Variants in KIF18A observed in about 807,000 individuals in gnomAD.
The protein encoded by KIF18A is kinesin-like protein KIF18A.
KIF18A carries 67 observed loss-of-function variants against 103.3 expected under a neutral mutation model. That is an observed-to-expected ratio of 0.65 (90% CI 0.53 to 0.79). KIF18A has a LOEUF of 0.79. Ranked by LOEUF, KIF18A falls within the 30% of genes least tolerant of loss-of-function variation. The pLI is 0.00. For synonymous variants in KIF18A, 367 were observed against 355.5 expected, an observed-to-expected ratio of 1.03 and a Z score of -0.36; for missense variants, 1,032 against 1,062.5, an observed-to-expected ratio of 0.97 and a Z score of 0.40.
intron 10 of KIF18A, 99 bp from the exon 11 acceptor site, chr11:28,069,522 T>C: frequency 1.8e-6 from 2 of 1,108,082 alleles, no homozygotes; most frequent in Non-Finnish European, 1.3e-6. Context: ...ACTATTGTAG[T>C]AAATTAAGTT....
At chr11:28,029,219 A>C (rs1238150164) in intron 15 of KIF18A, among the ~76,000 whole-genome samples, 2 of 152,180 alleles carry the variant, frequency 1.3e-5, no homozygotes, top group Admixed American at 6.6e-5. Flanking sequence ...TGGCAGAGAC[A>C]CAACAAAAAA....
At position 28,093,200 on chromosome 11, in the gene KIF18A, G is replaced by A. The variant is rs182781463; in HGVS notation, c.483+1443C>T. ...TTCAAAATTCTCCCAGTTATAAAAA[G>A]GATCTAAGGAAAAAATAATGAATGC... On this transcript the variant is annotated intron_variant, in intron 3 of 16. Coordinates refer to ENST00000263181, the MANE Select transcript of KIF18A (RefSeq NM_031217.4). 2.7e-4 allele frequency among the ~76,000 whole-genome samples: 41 copies of A among 152,124 alleles called. 1 individual carries two copies. The East Asian group carries it at 6.9e-3, about 26-fold the overall frequency.
chr11:28,056,863 A>G, intron 13 of KIF18A: 1 of 276,892 alleles, frequency 3.6e-6, no homozygotes, highest in South Asian at 3.5e-5. Flanking sequence ...CATTTGAGCC[A>G]AATGTCCCAG....
chr11:28,057,281 C>A (rs1038001328), intron 13 of KIF18A, among the ~76,000 whole-genome samples: 1 of 152,028 alleles, frequency 6.6e-6, no homozygotes, highest in Non-Finnish European at 1.5e-5. Context: ...TTTGGGAGGC[C>A]GAGGTGGATG....
chr11:28,045,730 AC>A (rs1441177378), intron 13 of KIF18A, among the ~76,000 whole-genome samples: 1 of 152,120 alleles, frequency 6.6e-6, no homozygotes, highest in African/African-American at 2.4e-5. Context: ...TAACATCTAA[AC>A]ACTAATGAAT....
At chr11:28,095,593 A>AAC (rs2133563983) in intron 2 of KIF18A, among the ~76,000 whole-genome samples, 2 of 152,358 alleles carry the variant, frequency 1.3e-5, no homozygotes, top group African/African-American at 4.8e-5. Flanking sequence ...GTACTTGAAT[A>AAC]AATACCAGAT....
intron 13 of KIF18A, among the ~76,000 whole-genome samples, chr11:28,054,476 C>G (rs1850753058): frequency 6.6e-6 from 1 of 152,194 alleles, no homozygotes; most frequent in Non-Finnish European, 1.5e-5. Flanking sequence ...TCCCAAAATA[C>G]TGGGATTGCA....
chr11:28,087,941 A>G (rs1190915189), intron 6 of KIF18A, among the ~76,000 whole-genome samples: 1 of 152,212 alleles, frequency 6.6e-6, no homozygotes, highest in African/African-American at 2.4e-5. Flanking sequence ...TTTTACAAAT[A>G]TCTATGTTGT....
chr11:28,059,287 G>T (rs1239205851), intron 12 of KIF18A, 126 bp from the exon 13 acceptor site: 13 of 723,548 alleles, frequency 1.8e-5, no homozygotes, highest in Non-Finnish European at 2.5e-5. Flanking sequence ...TATGAACTGA[G>T]TTCTAGTCTC....
intron 11 of KIF18A, among the ~76,000 whole-genome samples, chr11:28,066,558 C>G (rs543497639): frequency 4.0e-5 from 6 of 151,538 alleles, no homozygotes; most frequent in Non-Finnish European, 7.4e-5. Context: ...AAGATGGACA[C>G]AACGTTTAAA....
chr11:28,027,089 G>A (rs950737417), intron 15 of KIF18A, among the ~76,000 whole-genome samples: 2 of 151,800 alleles, frequency 1.3e-5, no homozygotes, highest in Admixed American at 6.6e-5. Context: ...GCACAAATAA[G>A]TAGGCTACTT....
At chr11:28,044,684 A>G (rs1019784709) in intron 13 of KIF18A, among the ~76,000 whole-genome samples, 2 of 152,134 alleles carry the variant, frequency 1.3e-5, no homozygotes, top group African/African-American at 2.4e-5. Context: ...GCCAAGTTTT[A>G]GAAGCCTCTC....
chr11:28,106,606 G>A (rs116179444), intron 1 of KIF18A, among the ~76,000 whole-genome samples: 2,296 of 151,204 alleles, frequency 0.015, 61 homozygotes, highest in African/African-American at 0.053. Context: ...TTGATTTGGG[G>A]TATTTCTATG....
intron 2 of KIF18A, 59 bp downstream of exon 2, chr11:28,097,564 C>T (rs752140219): frequency 1.1e-5 from 12 of 1,081,092 alleles, no homozygotes; most frequent in Admixed American, 1.7e-5. Context: ...AGTAGATGTC[C>T]GTCCTAATGC....
chr11:28,085,977 T>C (rs1424972464), intron 6 of KIF18A, among the ~76,000 whole-genome samples: 1 of 152,126 alleles, frequency 6.6e-6, no homozygotes, highest in Non-Finnish European at 1.5e-5. Context: ...TATTTAAAAA[T>C]ATCTGCATCT....
intron 16 of KIF18A, among the ~76,000 whole-genome samples, chr11:28,023,433 C>T (rs1850271268): frequency 6.6e-6 from 1 of 152,110 alleles, no homozygotes; most frequent in Non-Finnish European, 1.5e-5. Context: ...TTAAGTAATA[C>T]ATTTAGCCAA....
At chr11:28,106,703 C>T (rs1851517698) in intron 1 of KIF18A, among the ~76,000 whole-genome samples, 1 of 152,028 alleles carries the variant, frequency 6.6e-6, no homozygotes, top group Non-Finnish European at 1.5e-5. Context: ...GGGTGCCCTG[C>T]CTCACACCTG....
chr11:28,090,852 A>G (rs1357159851), intron 4 of KIF18A, 125 bp from the exon 5 acceptor site: 9 of 607,302 alleles, frequency 1.5e-5, no homozygotes, highest in Admixed American at 3.0e-5. Flanking sequence ...ATTCAATCCT[A>G]TTAAATACTA....
At chr11:28,083,285 T>C in intron 7 of KIF18A, 42 bp from the exon 8 acceptor site, 1 of 1,511,882 alleles carries the variant, frequency 6.6e-7, no homozygotes, top group Non-Finnish European at 8.8e-7. Context: ...AGAGAGATAA[T>C]AATCACAGAG....
Sources: allele counts gnomAD v4.1 joint callset (sites outside exome capture counted in the v4.1 genomes callset), GRCh38; gene constraint gnomAD v4.1.1; transcripts MANE v1.5; gene names NCBI Gene and HGNC (gene_info 2026-07-23, HGNC 2026-07-21).